Variants in CEP78 observed in about 807,000 individuals in gnomAD.
CEP78 encodes centrosomal protein 78.
In CEP78, 76 loss-of-function variants were observed where a neutral mutation model predicts 81.2. The observed-to-expected ratio is 0.94, with a 90% CI of 0.78 to 1.13. CEP78 has a LOEUF of 1.13. CEP78 is among the 50% of genes most tolerant of loss of function. CEP78 has a pLI of 0.00. For missense variants in CEP78, 918 were observed against 846.8 expected (o/e 1.08, Z -1.04); for synonymous variants, 293 against 301.4 (o/e 0.97, Z 0.29).
intron 5 of CEP78, among the ~76,000 whole-genome samples, chr9:78,246,076 TAG>T (rs1258424098): frequency 1.3e-5 from 2 of 152,212 alleles, no homozygotes; most frequent in East Asian, 1.9e-4. Context: ...ATGTTTTATG[TAG>T]AGTTATTTTT....
intron 5 of CEP78, among the ~76,000 whole-genome samples, chr9:78,245,598 A>G (rs1214701568): frequency 1.3e-5 from 2 of 152,182 alleles, no homozygotes; most frequent in Non-Finnish European, 2.9e-5. Context: ...TTTTAATGTA[A>G]TGGTATACAC....
chr9:78,255,192 T>A (rs1826962294), intron 11 of CEP78, among the ~76,000 whole-genome samples: 1 of 152,154 alleles, frequency 6.6e-6, no homozygotes, highest in South Asian at 2.1e-4. Flanking sequence ...ATATTTTCCT[T>A]TCCTTAGAAT....
intron 11 of CEP78, among the ~76,000 whole-genome samples, chr9:78,261,474 A>G (rs1169494733): frequency 1.3e-5 from 2 of 152,186 alleles, no homozygotes; most frequent in Non-Finnish European, 2.9e-5. Flanking sequence ...AAGTAGTGGA[A>G]TGTTAAGTGA....
At chr9:78,248,654 G>A (rs1826612756) in intron 7 of CEP78, 108 bp from the exon 8 acceptor site, 1 of 668,810 alleles carries the variant, frequency 1.5e-6, no homozygotes, top group South Asian at 1.9e-5. Flanking sequence ...CAGAACTGCT[G>A]ATTGCAAACC....
At chr9:78,252,276 T>A (rs1826801841) in intron 9 of CEP78, among the ~76,000 whole-genome samples, 1 of 152,224 alleles carries the variant, frequency 6.6e-6, no homozygotes. Context: ...CAGAGGAAAC[T>A]GAAATTATCT....
In CEP78 at chr9:78,265,456, T is replaced by C. The variant is rs755989318; in HGVS notation, c.1710T>C (p.Ser570=). The C allele has an allele frequency of 3.1e-6, 5 of 1,597,266 alleles. No homozygotes were observed. Among genetic ancestry groups the C allele is most frequent in the Non-Finnish European group, 4.3e-6 (5 of 1,171,456 alleles). The change falls in exon 14 of 17, where the codon AGT becomes AGC. Residue 570 remains serine (S), a synonymous_variant. Coordinates refer to ENST00000643273, the MANE Select transcript of CEP78 (RefSeq NM_001330691.3). ...LGHPQMTSTV[S]NPPKEEKKAL... The stretch of plus-strand genomic sequence containing the variant: ...ATCCCCAGATGACTTCTACTGTTAG[T>C]AATCCACCTAAAGAAGAAAAGAAGG...
intron 11 of CEP78, among the ~76,000 whole-genome samples, chr9:78,255,252 A>G (rs1257743513): frequency 6.6e-6 from 1 of 152,168 alleles, no homozygotes; most frequent in Admixed American, 6.5e-5. Context: ...CATAAGATAA[A>G]CTCAAAGAAA....
intron 16 of CEP78, chr9:78,266,984 TTCTC>T: frequency 7.2e-7 from 1 of 1,391,514 alleles, no homozygotes; most frequent in Non-Finnish European, 9.3e-7. Flanking sequence ...AAAGCATCCA[TTCTC>T]TATCACACCT....
Position 78,251,960 on chromosome 9 carries a change from A to G in CEP78, c.1122A>G (p.Lys374=), listed in dbSNP as rs1025516254. The G allele has an allele frequency of 6.2e-7, 1 of 1,608,956 alleles. No individual in the cohort carries two copies. The highest frequency in any genetic ancestry group is 1.3e-5 in the African/African-American group (1 of 75,008). Residue 374 remains lysine, a synonymous_variant, in exon 9 of 17, where the codon AAA becomes AAG. Coordinates refer to ENST00000643273, the MANE Select transcript of CEP78 (RefSeq NM_001330691.3). The part of the protein sequence containing the change: ...VSSGRKHSLG[K]EYYAPAPLPP... ...GTGGCAGAAAACACTCCCTTGGTAA[A>G]GAATATTATGCGCCCGCACCTCTTC... is the stretch of plus-strand genomic sequence containing the variant.
In CEP78 at chr9:78,277,908, G is replaced by A. The variant is rs1023744225; in HGVS notation, c.*7057G>A. ...AGCAGATAAAGACAATAGCTCTCTAGTGTGGACATGAAAATATTTCTAAGA... is the reference window on the plus strand; with the variant it reads ...AGCAGATAAAGACAATAGCTCTCTAATGTGGACATGAAAATATTTCTAAGA... On this transcript the variant is annotated 3_prime_UTR_variant, in exon 17 of 17. Coordinates refer to ENST00000643273, the MANE Select transcript of CEP78 (RefSeq NM_001330691.3). 6.6e-6 allele frequency: 1 copy of A among 152,218 alleles called. No homozygotes were observed. The highest frequency in any genetic ancestry group is 1.5e-5 in the Non-Finnish European group (1 of 68,042). 9.4% of individuals were successfully genotyped at this position (152,218 alleles called of 1,614,324 possible).
At chr9:78,268,356 C>T (rs1427623536) in intron 16 of CEP78, among the ~76,000 whole-genome samples, 1 of 152,158 alleles carries the variant, frequency 6.6e-6, no homozygotes, top group Non-Finnish European at 1.5e-5. Flanking sequence ...TGTCATCAGG[C>T]ACTAGCAGAT....
At chr9:78,254,134 T>C (rs1038643349) in intron 10 of CEP78, among the ~76,000 whole-genome samples, 1 of 152,202 alleles carries the variant, frequency 6.6e-6, no homozygotes, top group Non-Finnish European at 1.5e-5. Flanking sequence ...AGAATTGCGT[T>C]GTTATTACAG....
rs1015357282 is a variant in CEP78 at position 78,279,567 on chromosome 9, A to G, written c.*8716A>G. On this transcript the variant is annotated 3_prime_UTR_variant, in exon 17 of 17. Coordinates refer to ENST00000643273, the MANE Select transcript of CEP78 (RefSeq NM_001330691.3). ...TCAAGTAGCACAAGGCAAAAGCAGGATTTGTTGACTTCCAAACCTGTTTTC... is the reference window on the plus strand; with the variant it reads ...TCAAGTAGCACAAGGCAAAAGCAGGGTTTGTTGACTTCCAAACCTGTTTTC... The G allele has an allele frequency of 6.6e-5, 10 of 152,236 alleles. No individual in the cohort carries two copies. The highest frequency in any genetic ancestry group is 2.1e-4 in the South Asian group (1 of 4,838). 9.4% of individuals were successfully genotyped at this position (152,236 alleles called of 1,614,324 possible).
At chr9:78,259,955 A>C (rs775909666) in intron 11 of CEP78, among the ~76,000 whole-genome samples, 16 of 152,220 alleles carry the variant, frequency 1.1e-4, no homozygotes, top group Non-Finnish European at 2.1e-4. Context: ...CATAAATCTT[A>C]TATTGGCAGG....
At position 78,264,306 on chromosome 9, in the gene CEP78, A is replaced by G. The variant is rs764083386; in HGVS notation, c.1615A>G (p.Lys539Glu). The G allele has an allele frequency of 3.1e-6, 5 of 1,613,012 alleles. No homozygotes were observed. ...QKFHAFLDLLKDAGLGQLATM... is the reference protein window; with the variant it reads ...QKFHAFLDLLEDAGLGQLATM... ...GTTTCATGCTTTCTTGGATCTCCTT[A>G]AAGATGCTGGGTTAGTTACTTTCTC... The change falls in exon 13 of 17, where the codon AAA becomes GAA. Residue 539 changes from lysine to glutamate, a missense_variant. Transcript: ENST00000643273.
chr9:78,248,427 C>A, intron 7 of CEP78, 72 bp downstream of exon 7: 1 of 967,052 alleles, frequency 1.0e-6, no homozygotes, highest in Non-Finnish European at 1.6e-6. Flanking sequence ...CACTGTACTG[C>A]CCAGCCTGGC....
intron 8 of CEP78, 38 bp from the exon 9 acceptor site, chr9:78,251,870 T>C (rs372616778): frequency 2.5e-6 from 4 of 1,578,848 alleles, no homozygotes; most frequent in South Asian, 1.1e-5. Flanking sequence ...AGACCTTTAG[T>C]GCATCTTGAT....
Position 78,274,910 on chromosome 9 carries a change from A to G in CEP78, c.*4059A>G, listed in dbSNP as rs1306913537. 6.6e-6 allele frequency: 1 copy of G among 152,222 alleles called. No individual in the cohort carries two copies. Among genetic ancestry groups the G allele is most frequent in the East Asian group, 1.9e-4 (1 of 5,202 alleles). 9.4% of individuals were successfully genotyped at this position (152,222 alleles called of 1,614,324 possible). On this transcript the variant is annotated 3_prime_UTR_variant, in exon 17 of 17. Coordinates refer to ENST00000643273, the MANE Select transcript of CEP78 (RefSeq NM_001330691.3). The stretch of plus-strand genomic sequence containing the variant: ...AGAAGACAAAAGAGATGAATTAAAC[A>G]TTTAAAGCTAAGAAAGAGATAAACC...
At chr9:78,244,239 A>G (rs745465304) in intron 5 of CEP78, among the ~76,000 whole-genome samples, 20 of 151,232 alleles carry the variant, frequency 1.3e-4, no homozygotes, top group Admixed American at 4.0e-4. Flanking sequence ...TCCTGGCTCA[A>G]GTATCCTCCC....
Sources: gnomAD v4.1 joint callset for allele counts (sites outside exome capture counted in the v4.1 genomes callset) on GRCh38, gnomAD v4.1.1 for gene constraint, MANE v1.5 for transcripts, NCBI Gene and HGNC (gene_info 2026-07-23, HGNC 2026-07-21) for gene names.